Variants in OTOA observed in about 807,000 individuals in gnomAD.
OTOA encodes the protein otoancorin.
OTOA carries 70 observed loss-of-function variants against 110.8 expected under a neutral mutation model. The observed-to-expected ratio is 0.63, with a 90% confidence interval of 0.52 to 0.77. OTOA has a LOEUF of 0.77. OTOA is among the 30% of genes least tolerant of loss of function. OTOA has a pLI of 0.00. For synonymous variants in OTOA, 373 were observed against 431.5 expected (o/e 0.86, Z 1.68); for missense variants, 917 against 1,075.8 (o/e 0.85, Z 2.06).
chr16:21,668,459 C>CT (rs374673931), intron 1 of OTOA, among the ~76,000 whole-genome samples: 35,193 of 121,970 alleles, frequency 0.29, 5,902 homozygotes, highest in African/African-American at 0.44. Flanking sequence ...TTGTTTCTTT[C>CT]TTTTTTTTTT....
At chr16:21,678,692 G>A (rs1251980817) in intron 2 of OTOA, 87 bp downstream of exon 2, 9 of 1,325,922 alleles carry the variant, frequency 6.8e-6, no homozygotes, top group Middle Eastern at 1.8e-4. Flanking sequence ...ACATGATGCT[G>A]TAAGTTGTTT....
At chr16:21,721,296 A>G in intron 17 of OTOA, 1 of 455,162 alleles carries the variant, frequency 2.2e-6, no homozygotes, top group Non-Finnish European at 4.4e-6. Flanking sequence ...CAATACAGAG[A>G]AAGTAAAATT....
chr16:21,712,839 T>C (rs922218613), intron 13 of OTOA, among the ~76,000 whole-genome samples: 3 of 151,754 alleles, frequency 2.0e-5, no homozygotes, highest in African/African-American at 7.2e-5. Context: ...AGCTTTTGAT[T>C]CAGGTGGTAA....
rs767974412 is a variant in OTOA, at chr16:21,687,475, C to T, written c.462C>T (p.Gly154=). 85 of 1,613,864 alleles carry T rather than the reference C, an allele frequency of 5.3e-5. 1 individual carries two copies. The Admixed American group carries it at 1.2e-3, about 22-fold the overall frequency. The change falls in exon 8 of 29, where the codon GGC becomes GGT. Residue 154 remains glycine, a synonymous_variant. Coordinates refer to ENST00000646100, the MANE Select transcript of OTOA (RefSeq NM_144672.4). ...GAGAACGAGCCTTGCAGAGCCCTGG[C>T]GTGAACCGCAGCCTGTTTCTCATCA... ...EIRERALQSP[G]VNRSLFLITL... is the part of the protein sequence containing the mutation.
intron 1 of OTOA, among the ~76,000 whole-genome samples, chr16:21,675,307 ATTTTTTTTTTTTTTTT>A (rs57498010): frequency 2.7e-5 from 1 of 37,128 alleles, no homozygotes; most frequent in African/African-American, 1.1e-4. Context: ...ACACCTGGCT[ATTTTTTTTTTTTTTTT>A]TTTTTTTTTT....
intron 22 of OTOA, among the ~76,000 whole-genome samples, chr16:21,737,896 T>A (rs1419359867): frequency 6.6e-6 from 1 of 152,312 alleles, no homozygotes; most frequent in Admixed American, 6.5e-5. Context: ...ACAAAGTTAA[T>A]CACCCCCAGT....
chr16:21,737,070 C>T (rs1317417314), intron 22 of OTOA, among the ~76,000 whole-genome samples: 3 of 152,306 alleles, frequency 2.0e-5, no homozygotes, highest in Non-Finnish European at 4.4e-5. Flanking sequence ...CCTCTGTGTG[C>T]CTCAGTTTTC....
At chr16:21,677,117 A>T (rs962366785) in intron 1 of OTOA, among the ~76,000 whole-genome samples, 1 of 152,132 alleles carries the variant, frequency 6.6e-6, no homozygotes, top group African/African-American at 2.4e-5. Flanking sequence ...CTGTTATTGG[A>T]TATGTGATTG....
chr16:21,673,247 A>T (rs1966851704), intron 1 of OTOA, among the ~76,000 whole-genome samples: 1 of 152,212 alleles, frequency 6.6e-6, no homozygotes, highest in Admixed American at 6.5e-5. Context: ...CATTGGTTAC[A>T]TGTTATGTAA....
At chr16:21,665,536 C>T (rs1039283557) in intron 1 of OTOA, among the ~76,000 whole-genome samples, 1 of 152,136 alleles carries the variant, frequency 6.6e-6, no homozygotes, top group African/African-American at 2.4e-5. Flanking sequence ...TTCATGTGCA[C>T]TGAACTCATC....
At position 21,719,508 on chromosome 16, in the gene OTOA, C is replaced by A. The variant is rs201545393; in HGVS notation, c.1806+4C>A. The A allele has an allele frequency of 1.6e-4, 253 of 1,611,358 alleles. No individual in the cohort carries two copies. The highest frequency in any genetic ancestry group is 1.2e-3 in the Middle Eastern group (7 of 6,080). On this transcript the variant is annotated splice_donor_region_variant and intron_variant, in intron 17 of 28. Coordinates refer to ENST00000646100, the MANE Select transcript of OTOA (RefSeq NM_144672.4). ...CGCCCTGCTTTCACCCTATCAGGTA[C>A]CGTTAAAGCATTTTCCAGCTTCTAA...
Position 21,760,728 on chromosome 16 carries a change from T to A in OTOA, c.*188T>A. On this transcript the variant is annotated 3_prime_UTR_variant, in exon 29 of 29. Transcript: ENST00000646100. ...AATTATTAAAAATGATCTTGCAAAT[T>A]ATTTTTAATTTTTTTAAATTTTAAT... The A allele has an allele frequency of 2.3e-6, 1 of 442,702 alleles. No individual in the cohort carries two copies. Among genetic ancestry groups the A allele is most frequent in the Non-Finnish European group, 4.0e-6 (1 of 247,786 alleles). 27.4% of individuals were successfully genotyped at this position (442,702 alleles called of 1,614,324 possible). A position where few individuals can be genotyped will look rare whatever the true frequency, so the allele number is the denominator to read the frequency against.
chr16:21,718,116 CCCGG>C (rs1898612474), intron 15 of OTOA, among the ~76,000 whole-genome samples: 3 of 152,090 alleles, frequency 2.0e-5, no homozygotes, highest in African/African-American at 4.8e-5. Flanking sequence ...CACCATCATG[CCCGG>C]CTAATTTTTG....
chr16:21,731,552 A>G (rs111872630), intron 21 of OTOA, among the ~76,000 whole-genome samples: 6 of 152,226 alleles, frequency 3.9e-5, no homozygotes, highest in Admixed American at 6.5e-5. Flanking sequence ...CCATGAAGGT[A>G]TGAAACTACC....
intron 13 of OTOA, among the ~76,000 whole-genome samples, chr16:21,713,611 AGT>A (rs1898424746): frequency 6.6e-6 from 1 of 152,150 alleles, no homozygotes; most frequent in South Asian, 2.1e-4. Flanking sequence ...TGAGGTACAG[AGT>A]GTGTAAGGGA....
rs955438880 is a variant in OTOA, at chr16:21,707,620, T to G, written c.1105-2268T>G. Among the ~76,000 whole-genome samples, 6 of 102,772 alleles carry G rather than the reference T, an allele frequency of 5.8e-5. No homozygotes were observed. In the Admixed American group the frequency reaches 6.3e-4, roughly 11 times the overall value. The allele number at this position is 102,772 out of a possible 152,430, so 67.4% of individuals were successfully genotyped here. On this transcript the variant is annotated intron_variant, in intron 12 of 28. Coordinates refer to ENST00000646100, the MANE Select transcript of OTOA (RefSeq NM_144672.4). The stretch of plus-strand genomic sequence containing the variant: ...TTCTTTCTTTCTTTCTTTCTTTCTT[T>G]CTTTCTTTCTTTCTTTCTTTCTTTC...
intron 22 of OTOA, among the ~76,000 whole-genome samples, chr16:21,737,972 GTAAA>G (rs1899388203): frequency 6.6e-6 from 1 of 152,302 alleles, no homozygotes; most frequent in Non-Finnish European, 1.5e-5. Flanking sequence ...CACCAATTTT[GTAAA>G]TAAAGAGCTT....
intron 21 of OTOA, among the ~76,000 whole-genome samples, chr16:21,733,712 GT>G (rs1381037464): frequency 1.3e-5 from 2 of 151,080 alleles, no homozygotes; most frequent in African/African-American, 4.9e-5. Context: ...AGTCCCCTAA[GT>G]CCCCTCATTG....
In OTOA at chr16:21,719,957, CT is replaced by C. The variant is rs761325846; in HGVS notation, c.1806+469del. Among the ~76,000 whole-genome samples, 956 of 136,382 alleles carry C rather than the reference CT, an allele frequency of 7.0e-3. 3 individuals are homozygous for C. The highest frequency in any genetic ancestry group is 0.016 in the Middle Eastern group (4 of 254). 89.5% of individuals were successfully genotyped at this position (136,382 alleles called of 152,430 possible). A position where few individuals can be genotyped will look rare whatever the true frequency, so the allele number is the denominator to read the frequency against. ...GGAGACTAGAAGCAGTAACTGATTTCTTTTTTTTTTTTTTTTGAGACACAGT... is the reference window on the plus strand; with the variant it reads ...GGAGACTAGAAGCAGTAACTGATTTCTTTTTTTTTTTTTTTGAGACACAGT... On this transcript the variant is annotated intron_variant, in intron 17 of 28. Coordinates refer to ENST00000646100, the MANE Select transcript of OTOA (RefSeq NM_144672.4).
Sources: gnomAD v4.1 joint callset for allele counts (sites outside exome capture counted in the v4.1 genomes callset) on GRCh38, gnomAD v4.1.1 for gene constraint, MANE v1.5 for transcripts, NCBI Gene and HGNC (gene_info 2026-07-23, HGNC 2026-07-21) for gene names.